The following CFAP61 variants were observed in gnomAD, a reference collection of about 807,000 sequenced individuals.
CFAP61 encodes the protein cilia- and flagella-associated protein 61.
In CFAP61, 107 loss-of-function variants were observed where a neutral mutation model predicts 135.6. The observed-to-expected ratio is 0.79, with a 90% CI of 0.67 to 0.93. The LOEUF (loss-of-function observed/expected upper bound fraction) is 0.93, where lower values mean the gene tolerates loss of function less well. CFAP61 is among the 40% of genes least tolerant of loss of function. The probability of loss-of-function intolerance (pLI) is 0.00; values close to 1 mark genes in which losing one functional copy is unlikely to be tolerated. For missense variants in CFAP61, 1,507 were observed against 1,556.2 expected (o/e 0.97, Z 0.53); for synonymous variants, 575 against 578.5 (o/e 0.99, Z 0.09).
Position 20,137,122 on chromosome 20 carries a change from C to T in CFAP61, c.860-5735C>T, listed in dbSNP as rs572395702. 2.0e-5 allele frequency among the ~76,000 whole-genome samples: 3 copies of T among 152,202 alleles called. No individual in the cohort carries two copies. The East Asian group carries it at 5.8e-4, about 29-fold the overall frequency. On this transcript the variant is annotated intron_variant, in intron 8 of 26. Coordinates refer to ENST00000245957, the MANE Select transcript of CFAP61 (RefSeq NM_015585.4). ...TGTCAAACAAATGAAGTCTCTCTCT[C>T]TGTGTTGAGCCACCTGAAGCTGGGG...
chr20:20,297,501 G>A (rs966783240), intron 24 of CFAP61, among the ~76,000 whole-genome samples: 3 of 152,190 alleles, frequency 2.0e-5, no homozygotes, highest in Non-Finnish European at 4.4e-5. Flanking sequence ...AGAAGTCACT[G>A]TGGCATGGAA....
chr20:20,324,820 A>T lies in CFAP61; in HGVS notation c.3423-17011A>T, dbSNP rs1027532455. On this transcript the variant is annotated intron_variant, in intron 25 of 26. Transcript: ENST00000245957. ...TCTTCAGTGTCCACTGAATCTTTTC[A>T]TAGGTTTATTAGTCATTTGTATTTA... Among the ~76,000 whole-genome samples, 22 of 152,200 alleles carry T rather than the reference A, an allele frequency of 1.4e-4. 1 individual carries two copies. The highest frequency in any genetic ancestry group is 6.8e-3 in the Middle Eastern group (2 of 294).
chr20:20,148,156 C>T (rs962179219), intron 9 of CFAP61, among the ~76,000 whole-genome samples: 4 of 152,140 alleles, frequency 2.6e-5, no homozygotes, highest in African/African-American at 9.7e-5. Flanking sequence ...CAACTATAAC[C>T]TTGTAGTATA....
chr20:20,153,230 G>C (rs1452459360), intron 9 of CFAP61, among the ~76,000 whole-genome samples: 3 of 152,160 alleles, frequency 2.0e-5, no homozygotes, highest in African/African-American at 7.2e-5. Flanking sequence ...GTGGTGCTAA[G>C]AGGAAAGTTC....
intron 8 of CFAP61, among the ~76,000 whole-genome samples, chr20:20,100,176 CT>C (rs74180979): frequency 1.8e-3 from 261 of 142,764 alleles, no homozygotes; most frequent in Middle Eastern, 3.6e-3. Context: ...ACTAAATGGC[CT>C]TTTTTTTTTT....
rs370904490 is a variant in CFAP61 at position 20,164,155 on chromosome 20, C to T, written c.1132C>T (p.Arg378Cys). ...ACTGCCTGAAGAGCCCGTCCACTTC[C>T]GCCCCATCTACAGGGGAGCCTCAGC... is the stretch of plus-strand genomic sequence containing the variant. ...LVLPEEPVHF[R>C]PIYRGASAAF... Residue 378 changes from arginine to cysteine, a missense_variant, in exon 11 of 27, where the codon CGC (arginine) becomes TGC (cysteine). Coordinates refer to ENST00000245957, the MANE Select transcript of CFAP61 (RefSeq NM_015585.4). 2.4e-5 allele frequency: 39 copies of T among 1,614,122 alleles called. No homozygotes were observed. The highest frequency in any genetic ancestry group is 1.1e-4 in the South Asian group (10 of 91,074).
At chr20:20,176,273 A>G (rs983244196) in intron 13 of CFAP61, among the ~76,000 whole-genome samples, 4 of 152,226 alleles carry the variant, frequency 2.6e-5, no homozygotes, top group Admixed American at 6.5e-5. Context: ...AATTAGTCCA[A>G]CCATTGTGGA....
chr20:20,360,410 G>A lies in CFAP61; in HGVS notation c.3714G>A (p.Ter1238=), dbSNP rs766054436. 4 of 1,613,562 alleles carry A rather than the reference G, an allele frequency of 2.5e-6. No homozygotes were observed. The highest frequency in any genetic ancestry group is 2.7e-5 in the African/African-American group (2 of 75,048). Residue 1238 remains the stop codon, a stop_retained_variant, in exon 27 of 27, where the codon TAG becomes TAA. Coordinates refer to ENST00000245957, the MANE Select transcript of CFAP61 (RefSeq NM_015585.4). ...TGTACGCGTGGCCAGGCATCGTTTA[G>A]TTGTAGGCAGGGTCTCCCCTTTATG... ...LPMYAWPGIV[*] is the part of the protein sequence containing the mutation.
intron 26 of CFAP61, among the ~76,000 whole-genome samples, chr20:20,349,496 C>T (rs2058754884): frequency 6.6e-6 from 1 of 152,144 alleles, no homozygotes; most frequent in Non-Finnish European, 1.5e-5. Context: ...ATGAGGGATC[C>T]TCCCTAAGAC....
At chr20:20,327,910 G>C (rs2057825916) in intron 25 of CFAP61, among the ~76,000 whole-genome samples, 1 of 151,838 alleles carries the variant, frequency 6.6e-6, no homozygotes, top group Non-Finnish European at 1.5e-5. Flanking sequence ...TGAATTGCTG[G>C]GTGATCACTC....
At position 20,199,688 on chromosome 20, in the gene CFAP61, A is replaced by G. The variant is rs538741010; in HGVS notation, c.1798-80A>G. On this transcript the variant is annotated intron_variant, in intron 16 of 26. Transcript: ENST00000245957. ...GACTTGGCCGAGTTAAGAGTTTTGT[A>G]TTTGTAAAGCTGTACGCAGACATCT... 6 of 1,462,380 alleles carry G rather than the reference A, an allele frequency of 4.1e-6. No individual in the cohort carries two copies. In the African/African-American group the frequency reaches 5.7e-5, roughly 14 times the overall value. The allele number at this position is 1,462,380 out of a possible 1,614,324, so 90.6% of individuals were successfully genotyped here.
chr20:20,284,507 G>C (rs549161807), intron 22 of CFAP61, among the ~76,000 whole-genome samples: 1 of 152,102 alleles, frequency 6.6e-6, no homozygotes, highest in Non-Finnish European at 1.5e-5. Flanking sequence ...GGATGGTCTC[G>C]ATCTCCTGAC....
chr20:20,074,407 A>T, intron 4 of CFAP61, 29 bp downstream of exon 4: 2 of 1,569,262 alleles, frequency 1.3e-6, no homozygotes, highest in Non-Finnish European at 1.8e-6. Flanking sequence ...GCAGTGGTGA[A>T]CATGAAAGAG....
chr20:20,300,066 A>G (rs2055958675), intron 25 of CFAP61, among the ~76,000 whole-genome samples: 1 of 152,122 alleles, frequency 6.6e-6, no homozygotes, highest in Non-Finnish European at 1.5e-5. Context: ...TCCATCTCCA[A>G]GGGCCACATT....
At chr20:20,099,880 A>C (rs985047581) in intron 8 of CFAP61, among the ~76,000 whole-genome samples, 3 of 152,268 alleles carry the variant, frequency 2.0e-5, no homozygotes, top group South Asian at 4.2e-4. Context: ...TGAATGCATA[A>C]ACCCCGTGCA....
At chr20:20,250,862 A>G (rs1355523727) in intron 19 of CFAP61, among the ~76,000 whole-genome samples, 2 of 152,196 alleles carry the variant, frequency 1.3e-5, no homozygotes, top group East Asian at 3.9e-4. Context: ...TCAAACTCCA[A>G]GAGAGCCCAG....
chr20:20,183,236 C>T (rs1031273314), intron 13 of CFAP61, among the ~76,000 whole-genome samples: 13 of 151,778 alleles, frequency 8.6e-5, no homozygotes, highest in African/African-American at 3.2e-4. Context: ...CTCACTGCAA[C>T]CTCTGCCTCC....
At chr20:20,343,122 G>A (rs535273212) in intron 26 of CFAP61, among the ~76,000 whole-genome samples, 81 of 152,326 alleles carry the variant, frequency 5.3e-4, no homozygotes, top group Non-Finnish European at 1.0e-3. Flanking sequence ...CTCCCAAAAT[G>A]CTGGGATTAC....
chr20:20,135,897 C>T (rs375587705), intron 8 of CFAP61, among the ~76,000 whole-genome samples: 3 of 152,198 alleles, frequency 2.0e-5, no homozygotes, highest in Admixed American at 6.5e-5. Context: ...TGAAGAACTC[C>T]CTTTAACATT....
Sources: gnomAD v4.1 joint callset for allele counts (sites outside exome capture counted in the v4.1 genomes callset) on GRCh38, gnomAD v4.1.1 for gene constraint, MANE v1.5 for transcripts, NCBI Gene and HGNC (gene_info 2026-07-23, HGNC 2026-07-21) for gene names.